Variants in RBFOX1 observed in about 807,000 individuals in gnomAD.
RBFOX1 encodes RNA binding protein fox-1 homolog 1.
Under a neutral mutation model 57.7 loss-of-function variants are expected in RBFOX1, and 8 were observed. The ratio of observed to expected loss-of-function variants is 0.14; its 90% CI spans 0.08 to 0.25. The LOEUF is 0.25. Ranked by LOEUF, RBFOX1 falls within the 10% of genes least tolerant of loss-of-function variation. The pLI is 1.00. For synonymous variants in RBFOX1, 326 were observed against 222.4 expected, an observed-to-expected ratio of 1.47 and a Z score of -4.15; for missense variants, 611 against 548.5, an observed-to-expected ratio of 1.11 and a Z score of -1.14.
intron 3 of RBFOX1, among the ~76,000 whole-genome samples, chr16:5,821,123 C>G (rs982281574): frequency 2.6e-5 from 4 of 152,096 alleles, no homozygotes; most frequent in Admixed American, 2.6e-4. Context: ...ACTCATTGCT[C>G]AGGCAGGACA....
At chr16:7,456,942 G>C (rs1394977367) in intron 4 of RBFOX1, among the ~76,000 whole-genome samples, 2 of 151,810 alleles carry the variant, frequency 1.3e-5, no homozygotes, top group Non-Finnish European at 2.9e-5. Flanking sequence ...CCCAGGCTGA[G>C]TGCAATGGCG....
chr16:5,655,201 G>T (rs1428214793), intron 3 of RBFOX1, among the ~76,000 whole-genome samples: 2 of 152,228 alleles, frequency 1.3e-5, no homozygotes, highest in Admixed American at 6.5e-5. Context: ...ACCATCATAT[G>T]CAGAATCTAC....
At chr16:5,732,214 A>G (rs1309373362) in intron 3 of RBFOX1, among the ~76,000 whole-genome samples, 1 of 152,214 alleles carries the variant, frequency 6.6e-6, no homozygotes, top group East Asian at 1.9e-4. Context: ...AGCATCTATG[A>G]AATAGGGAAT....
chr16:7,455,592 G>T (rs1420245959), intron 4 of RBFOX1, among the ~76,000 whole-genome samples: 13 of 151,590 alleles, frequency 8.6e-5, no homozygotes, highest in Non-Finnish European at 1.8e-4. Flanking sequence ...AAGAGTTCGA[G>T]ACCAGCCTAG....
At chr16:7,195,174 A>G (rs940352970) in intron 4 of RBFOX1, among the ~76,000 whole-genome samples, 3 of 152,174 alleles carry the variant, frequency 2.0e-5, no homozygotes, top group Non-Finnish European at 2.9e-5. Flanking sequence ...TGGACCAGCC[A>G]TATTAGGAGT....
chr16:5,836,267 C>T (rs2056454115), intron 3 of RBFOX1, among the ~76,000 whole-genome samples: 1 of 152,116 alleles, frequency 6.6e-6, no homozygotes, highest in African/African-American at 2.4e-5. Flanking sequence ...GACCCTGGGA[C>T]ATGGGAAGTC....
At chr16:5,536,224 C>A (rs957255150) in intron 2 of RBFOX1, among the ~76,000 whole-genome samples, 1 of 135,906 alleles carries the variant, frequency 7.4e-6, no homozygotes, top group Non-Finnish European at 1.5e-5. Flanking sequence ...TGGAAATCTC[C>A]TGTCTTTTTT....
Position 6,424,916 on chromosome 16 carries a change from G to T in RBFOX1, c.-64+107859G>T, listed in dbSNP as rs115023232. On this transcript the variant is annotated intron_variant, in intron 2 of 15. Coordinates refer to ENST00000550418, the MANE Select transcript of RBFOX1 (RefSeq NM_018723.4). ...TATGTTTTACTTTCGTTTTGAAAAGGCTATCTATAGATATTTGTATTTATT... is the reference window on the plus strand; with the variant it reads ...TATGTTTTACTTTCGTTTTGAAAAGTCTATCTATAGATATTTGTATTTATT... Among the ~76,000 whole-genome samples the T allele has an allele frequency of 4.8e-3, 733 of 152,166 alleles. 8 individuals carry two copies. The highest frequency in any genetic ancestry group is 0.017 in the African/African-American group (687 of 41,508).
Position 7,333,075 on chromosome 16 carries a change from C to T in RBFOX1, c.28-185072C>T, listed in dbSNP as rs998828744. On this transcript the variant is annotated intron_variant, in intron 4 of 15. Coordinates refer to ENST00000550418, the MANE Select transcript of RBFOX1 (RefSeq NM_018723.4). ...ATTGTACCGGCAGCTCCTTACCTTC[C>T]TGGACTGATTCAGGTAATTCAAGGC... 5.0e-6 allele frequency: 8 copies of T among 1,613,750 alleles called. No homozygotes were observed. The Middle Eastern group carries it at 6.6e-4, about 133-fold the overall frequency.
At chr16:5,366,274 A>C (rs1329028657) in intron 1 of RBFOX1, 1 of 387,824 alleles carries the variant, frequency 2.6e-6, no homozygotes, top group Admixed American at 3.3e-5. Context: ...GCTGCCGATG[A>C]AGATGATGCT....
chr16:5,774,420 C>G (rs537148017), intron 3 of RBFOX1, among the ~76,000 whole-genome samples: 3 of 152,200 alleles, frequency 2.0e-5, no homozygotes, highest in Non-Finnish European at 4.4e-5. Flanking sequence ...ATTATTTTCA[C>G]AGAGGCAGTA....
intron 2 of RBFOX1, among the ~76,000 whole-genome samples, chr16:6,388,476 T>G (rs565397848): frequency 6.6e-6 from 1 of 152,130 alleles, no homozygotes; most frequent in African/African-American, 2.4e-5. Flanking sequence ...TTTTACTTAT[T>G]ATTTATTATT....
At chr16:7,260,148 C>G (rs561226898) in intron 4 of RBFOX1, among the ~76,000 whole-genome samples, 1 of 152,236 alleles carries the variant, frequency 6.6e-6, no homozygotes, top group Non-Finnish European at 1.5e-5. Context: ...TAATGAATAA[C>G]ACTTTTATAC....
chr16:6,753,492 C>T (rs2075295585), intron 3 of RBFOX1, among the ~76,000 whole-genome samples: 1 of 152,070 alleles, frequency 6.6e-6, no homozygotes, highest in Non-Finnish European at 1.5e-5. Flanking sequence ...ACCCAGTGTC[C>T]CCCTTTCATC....
intron 1 of RBFOX1, chr16:6,037,535 A>T (rs1316108931): frequency 1.3e-5 from 2 of 151,946 alleles, no homozygotes; most frequent in Non-Finnish European, 1.5e-5. Context: ...TACAAAAAAA[A>T]AAAAAACAGT....
At chr16:6,300,740 C>T (rs1363534650) in intron 1 of RBFOX1, among the ~76,000 whole-genome samples, 1 of 152,174 alleles carries the variant, frequency 6.6e-6, no homozygotes, top group Non-Finnish European at 1.5e-5. Context: ...ACAGTGTTTT[C>T]AATCCATGCA....
chr16:6,878,234 C>T (rs1295857492), intron 3 of RBFOX1, among the ~76,000 whole-genome samples: 1 of 152,184 alleles, frequency 6.6e-6, no homozygotes, highest in African/African-American at 2.4e-5. Context: ...TCCGTTTCTT[C>T]CCTGCTGAGC....
intron 2 of RBFOX1, among the ~76,000 whole-genome samples, chr16:5,557,678 TA>T (rs1253157720): frequency 2.6e-5 from 4 of 152,312 alleles, no homozygotes; most frequent in African/African-American, 9.6e-5. Context: ...GAAACACTTG[TA>T]GGCTTGTGGT....
At chr16:6,064,785 G>T (rs2152468345) in intron 1 of RBFOX1, among the ~76,000 whole-genome samples, 1 of 151,912 alleles carries the variant, frequency 6.6e-6, no homozygotes, top group East Asian at 1.9e-4. Flanking sequence ...AAGGTCTTTT[G>T]TGTGTATGCT....
Sources: gnomAD v4.1 joint callset for allele counts (sites outside exome capture counted in the v4.1 genomes callset) on GRCh38, gnomAD v4.1.1 for gene constraint, MANE v1.5 for transcripts, NCBI Gene and HGNC (gene_info 2026-07-23, HGNC 2026-07-21) for gene names.